Variants in TOP6BL observed in about 807,000 individuals in gnomAD.
The protein encoded by TOP6BL is TOP6B like initiator of meiotic double strand breaks.
chr11:66,813,940 G>T, the TOP6BL span: 24 of 1,613,558 alleles, frequency 1.5e-5, no homozygotes, highest in Middle Eastern at 1.6e-4. Context: ...TTTCTTCAAA[G>T]ATACCTCTTC....
the TOP6BL span, among the ~76,000 whole-genome samples, chr11:66,801,444 T>C: frequency 6.6e-6 from 1 of 152,222 alleles, no homozygotes; most frequent in Admixed American, 6.5e-5. Flanking sequence ...ATAGTATGAA[T>C]ACAAAGGAAT....
At chr11:66,838,573 G>A in the TOP6BL span, 4 of 782,656 alleles carry the variant, frequency 5.1e-6, no homozygotes, top group South Asian at 1.7e-5. Flanking sequence ...TTAGTGGGCT[G>A]TTGCTGCCAC....
At chr11:66,783,364 A>T in the TOP6BL span, among the ~76,000 whole-genome samples, 1 of 152,064 alleles carries the variant, frequency 6.6e-6, no homozygotes, top group East Asian at 1.9e-4. Flanking sequence ...CCTGTCTCAG[A>T]CAGACAGACA....
chr11:66,796,407 C>G, the TOP6BL span: 1 of 1,454,538 alleles, frequency 6.9e-7, no homozygotes, highest in African/African-American at 1.4e-5. Flanking sequence ...TTATTTAAGT[C>G]ATTGTTTTCC....
the TOP6BL span, chr11:66,843,189 G>A: frequency 6.2e-7 from 1 of 1,611,212 alleles, no homozygotes; most frequent in Non-Finnish European, 8.5e-7. Flanking sequence ...GGCTGCAGGA[G>A]GTCTCCAACC....
the TOP6BL span, among the ~76,000 whole-genome samples, chr11:66,759,938 A>G: frequency 6.6e-6 from 1 of 152,120 alleles, no homozygotes; most frequent in Non-Finnish European, 1.5e-5. Flanking sequence ...AGGCCATAAC[A>G]TTTATTTTAA....
At chr11:66,824,063 C>T in the TOP6BL span, among the ~76,000 whole-genome samples, 1 of 152,008 alleles carries the variant, frequency 6.6e-6, no homozygotes, top group Non-Finnish European at 1.5e-5. Context: ...AGTAATAGTA[C>T]CTCACAGAGT....
At chr11:66,822,554 T>C in the TOP6BL span, 3 of 1,520,662 alleles carry the variant, frequency 2.0e-6, no homozygotes, top group East Asian at 2.5e-5. Context: ...TTACTTGTTA[T>C]GTTCCCCAGG....
the TOP6BL span, among the ~76,000 whole-genome samples, chr11:66,746,941 T>G: frequency 1.3e-5 from 2 of 148,824 alleles, no homozygotes; most frequent in Non-Finnish European, 3.0e-5. Flanking sequence ...ATAAATGTGT[T>G]TTTTTTTTTC....
chr11:66,800,211 G>C, the TOP6BL span, among the ~76,000 whole-genome samples: 1 of 152,176 alleles, frequency 6.6e-6, no homozygotes, highest in Admixed American at 6.5e-5. Context: ...ATAGAATGGT[G>C]GTTACCAGAG....
the TOP6BL span, chr11:66,821,706 A>G: frequency 1.9e-6 from 3 of 1,613,100 alleles, no homozygotes; most frequent in South Asian, 3.3e-5. Flanking sequence ...AGTGTAGTGC[A>G]AGGTTCCATC....
chr11:66,754,619 C>T, the TOP6BL span, among the ~76,000 whole-genome samples: 1 of 152,198 alleles, frequency 6.6e-6, no homozygotes, highest in Non-Finnish European at 1.5e-5. Flanking sequence ...TTTCTCTTCT[C>T]TTCAATATCA....
chr11:66,760,994 CTTTT>C, the TOP6BL span, among the ~76,000 whole-genome samples: 1 of 137,334 alleles, frequency 7.3e-6, no homozygotes. Context: ...CTTAAAGCAC[CTTTT>C]TTTTTTTTTT....
At chr11:66,810,646 C>G in the TOP6BL span, among the ~76,000 whole-genome samples, 1 of 152,150 alleles carries the variant, frequency 6.6e-6, no homozygotes, top group African/African-American at 2.4e-5. Flanking sequence ...GTCTTGTGCT[C>G]AGTAAAGTGG....
At chr11:66,759,761 CT>C in the TOP6BL span, among the ~76,000 whole-genome samples, 1 of 151,954 alleles carries the variant, frequency 6.6e-6, no homozygotes, top group East Asian at 1.9e-4. Flanking sequence ...TTTTTTGTAT[CT>C]TAGTAGAGAT....
chr11:66,824,157 C>A, the TOP6BL span, among the ~76,000 whole-genome samples: 1 of 152,088 alleles, frequency 6.6e-6, no homozygotes, highest in Non-Finnish European at 1.5e-5. Context: ...TCCTAACCCC[C>A]GAACTGATAA....
At chr11:66,835,204 T>C in the TOP6BL span, among the ~76,000 whole-genome samples, 2 of 152,004 alleles carry the variant, frequency 1.3e-5, no homozygotes, top group Middle Eastern at 3.2e-3. Context: ...ATAAGACCAA[T>C]TTCAAGATAG....
the TOP6BL span, among the ~76,000 whole-genome samples, chr11:66,779,952 T>C: frequency 7.3e-6 from 1 of 137,798 alleles, no homozygotes; most frequent in East Asian, 2.1e-4. Flanking sequence ...TAGGTGGGAA[T>C]TGAACAATGA....
At chr11:66,831,615 G>A in the TOP6BL span, among the ~76,000 whole-genome samples, 1 of 152,156 alleles carries the variant, frequency 6.6e-6, no homozygotes, top group Admixed American at 6.5e-5. Flanking sequence ...GATTATAAAG[G>A]GCAGCAGGAT....
Sources: allele counts gnomAD v4.1 joint callset (sites outside exome capture counted in the v4.1 genomes callset), GRCh38; gene constraint gnomAD v4.1.1; transcripts MANE v1.5; gene names NCBI Gene and HGNC (gene_info 2026-07-23, HGNC 2026-07-21).